Variants in FRMD3 observed in about 807,000 individuals in gnomAD.
FRMD3 encodes the protein FERM domain containing 3, also known as FERM domain-containing protein 3.
In FRMD3, 33 loss-of-function variants were observed where a neutral mutation model predicts 70.2. The observed-to-expected ratio is 0.47, with a 90% confidence interval of 0.36 to 0.63. FRMD3 has a LOEUF of 0.63. Among genes scored for constraint, FRMD3 ranks in the 20% least tolerant of loss-of-function variants. The pLI is 0.00. For synonymous variants in FRMD3, 279 were observed against 255.9 expected (o/e 1.09, Z -0.86); for missense variants, 632 against 711.4 (o/e 0.89, Z 1.27).
chr9:83,555,282 G>A, the FRMD3 span, among the ~76,000 whole-genome samples: 386 of 151,928 alleles, frequency 2.5e-3, 1 homozygote, highest in African/African-American at 6.6e-3. Context: ...TGTCCCAGGG[G>A]GAATTAAGAT....
intron 13 of FRMD3, among the ~76,000 whole-genome samples, chr9:83,251,496 C>T (rs1406011351): frequency 6.6e-6 from 1 of 152,190 alleles, no homozygotes; most frequent in African/African-American, 2.4e-5. Flanking sequence ...AGCAAGGGCA[C>T]AGAACTGGGC....
chr9:83,270,146 T>C (rs1833484014), intron 13 of FRMD3, among the ~76,000 whole-genome samples: 1 of 152,260 alleles, frequency 6.6e-6, no homozygotes, highest in African/African-American at 2.4e-5. Context: ...TTGGATGCCC[T>C]TGAATACTGT....
At chr9:83,421,364 T>C (rs575058584) in intron 1 of FRMD3, among the ~76,000 whole-genome samples, 2 of 152,208 alleles carry the variant, frequency 1.3e-5, no homozygotes, top group Non-Finnish European at 2.9e-5. Context: ...ATTTTTGCCT[T>C]GAATCCTCAT....
chr9:83,375,830 C>T (rs1292109596), intron 2 of FRMD3, among the ~76,000 whole-genome samples: 2 of 152,056 alleles, frequency 1.3e-5, no homozygotes, highest in South Asian at 2.1e-4. Flanking sequence ...CAAAAGTTTA[C>T]CTATATAACA....
At chr9:83,425,894 T>A (rs369658967) in intron 1 of FRMD3, among the ~76,000 whole-genome samples, 5 of 41,020 alleles carry the variant, frequency 1.2e-4, no homozygotes, top group African/African-American at 1.8e-4. Flanking sequence ...GCAAGAAGAG[T>A]AAAACTCCGT....
At chr9:83,426,102 T>G (rs72745060) in intron 1 of FRMD3, among the ~76,000 whole-genome samples, 17,761 of 152,012 alleles carry the variant, frequency 0.12, 1,134 homozygotes, top group South Asian at 0.15. Flanking sequence ...TGACCTAAAT[T>G]AGACACAAAA....
chr9:83,332,378 TTCTCTCTC>T (rs374456214), intron 6 of FRMD3, among the ~76,000 whole-genome samples: 1 of 143,266 alleles, frequency 7.0e-6, no homozygotes, highest in Non-Finnish European at 1.5e-5. Context: ...CTCTCTCTCT[TTCTCTCTC>T]TCTCTCTCTC....
intron 13 of FRMD3, among the ~76,000 whole-genome samples, chr9:83,272,908 C>T (rs1206589775): frequency 4.7e-5 from 7 of 148,844 alleles, no homozygotes; most frequent in East Asian, 2.0e-4. Flanking sequence ...GCCCGGCAGC[C>T]GCCCCGTCTG....
intron 1 of FRMD3, among the ~76,000 whole-genome samples, chr9:83,520,225 CT>C (rs1450478057): frequency 2.0e-4 from 30 of 152,328 alleles, no homozygotes; most frequent in Non-Finnish European, 2.6e-4. Context: ...CCTTCCCCCC[CT>C]GGACTTCAGA....
Position 83,538,122 on chromosome 9 carries a change from C to T in FRMD3, c.110G>A (p.Arg37Gln). ...SLSQEMRCTI[R>Q]LLDDSEISCH... ...GGAGATCTCCGAGTCGTCCAGCAGC[C>T]GGATGGTGCATCTCATCTCCTGGCT... The change falls in exon 1 of 14, where the codon CGG (arginine) becomes CAG (glutamine). Residue 37 changes from arginine (R) to glutamine (Q), a missense_variant. By Grantham distance (43) the Arg-to-Gln change is conservative. Transcript: ENST00000304195. This position sits in a 1 kb window ranked among gnomAD's most constrained non-coding sequence, Gnocchi z 4.7. 6.2e-7 allele frequency: 1 copy of T among 1,613,618 alleles called. No homozygotes were observed. The highest frequency in any genetic ancestry group is 8.5e-7 in the Non-Finnish European group (1 of 1,179,762).
intron 1 of FRMD3, among the ~76,000 whole-genome samples, chr9:83,433,316 G>A (rs941501357): frequency 3.3e-5 from 5 of 152,188 alleles, no homozygotes; most frequent in Admixed American, 2.6e-4. Context: ...AATTCTGCAT[G>A]CTCAGGGATC....
At chr9:83,363,857 A>C (rs949271240) in intron 3 of FRMD3, among the ~76,000 whole-genome samples, 3 of 152,164 alleles carry the variant, frequency 2.0e-5, no homozygotes, top group African/African-American at 7.2e-5. Flanking sequence ...CCCGGCTGAG[A>C]CATAGGCATT....
intron 1 of FRMD3, among the ~76,000 whole-genome samples, chr9:83,514,029 T>A (rs957697415): frequency 1.3e-5 from 2 of 152,182 alleles, no homozygotes; most frequent in African/African-American, 4.8e-5. Context: ...AGCACATAGC[T>A]GGGCAGCCAT....
chr9:83,328,221 G>A (rs1350683126), intron 6 of FRMD3, among the ~76,000 whole-genome samples: 1 of 152,066 alleles, frequency 6.6e-6, no homozygotes, highest in Non-Finnish European at 1.5e-5. Flanking sequence ...TCAATGGAAG[G>A]AGAAGGTAAG....
intron 3 of FRMD3, among the ~76,000 whole-genome samples, chr9:83,356,468 G>A (rs1368895753): frequency 6.6e-6 from 1 of 151,632 alleles, no homozygotes; most frequent in African/African-American, 2.4e-5. Context: ...AGTAGAGACG[G>A]GGTTTCACCG....
At chr9:83,368,054 T>C (rs900703341) in intron 3 of FRMD3, among the ~76,000 whole-genome samples, 1 of 152,194 alleles carries the variant, frequency 6.6e-6, no homozygotes, top group Non-Finnish European at 1.5e-5. Context: ...GTTATTATCC[T>C]GAGTAAAAGC....
At chr9:83,257,868 A>G (rs1832790338) in intron 13 of FRMD3, among the ~76,000 whole-genome samples, 1 of 152,242 alleles carries the variant, frequency 6.6e-6, no homozygotes, top group African/African-American at 2.4e-5. Context: ...ATATAATTAC[A>G]CAGCCCAATT....
At chr9:83,316,516 A>AATT (rs1166752197) in intron 6 of FRMD3, among the ~76,000 whole-genome samples, 3 of 152,188 alleles carry the variant, frequency 2.0e-5, no homozygotes, top group African/African-American at 7.2e-5. Flanking sequence ...ACTCCTGAGG[A>AATT]ATTAAGTCAA....
intron 12 of FRMD3, among the ~76,000 whole-genome samples, chr9:83,296,148 A>G (rs1834654405): frequency 6.6e-6 from 1 of 152,222 alleles, no homozygotes. Flanking sequence ...CACTTTTGAC[A>G]GCAGCTTCAA....
Sources: allele counts gnomAD v4.1 joint callset (sites outside exome capture counted in the v4.1 genomes callset), GRCh38; gene constraint gnomAD v4.1.1; non-coding constraint Gnocchi (gnomAD v3.1); transcripts MANE v1.5; gene names NCBI Gene and HGNC (gene_info 2026-07-23, HGNC 2026-07-21).